The following CACNA1I variants were observed in gnomAD, a reference collection of about 807,000 sequenced individuals.
CACNA1I encodes calcium voltage-gated channel subunit alpha1 I, also known as voltage-dependent T-type calcium channel subunit alpha-1I.
Under a neutral mutation model 201.6 loss-of-function variants are expected in CACNA1I, and 74 were observed. The observed-to-expected ratio is 0.37, with a 90% CI of 0.30 to 0.45. The LOEUF (loss-of-function observed/expected upper bound fraction) is 0.45. CACNA1I is among the 20% of genes least tolerant of loss of function. CACNA1I has a pLI of 1.00. For missense variants in CACNA1I, 2,346 were observed against 3,138.1 expected, an observed-to-expected ratio of 0.75 and a Z score of 6.03; for synonymous variants, 1,431 against 1,345.2, an observed-to-expected ratio of 1.06 and a Z score of -1.40.
chr22:39,675,894 T>TC (rs34902889), intron 29 of CACNA1I, among the ~76,000 whole-genome samples: 2 of 151,742 alleles, frequency 1.3e-5, no homozygotes, highest in Non-Finnish European at 2.9e-5. Context: ...GGGAGGGGGG[T>TC]CCCTGGGGGC....
At chr22:39,672,846 A>C (rs1935410946) in intron 27 of CACNA1I, 103 bp from the exon 28 acceptor site, 1 of 1,317,886 alleles carries the variant, frequency 7.6e-7, no homozygotes, top group Non-Finnish European at 1.0e-6. Context: ...AATGGGCCAC[A>C]ATAGAAGGGT....
In CACNA1I at chr22:39,665,446, C is replaced by T. The variant is rs1935156774; in HGVS notation, c.3852-52C>T. On this transcript the variant is annotated intron_variant, in intron 21 of 36. Transcript: ENST00000402142. This position sits in a 1 kb window ranked among gnomAD's most constrained non-coding sequence, Gnocchi z 5.5. ...GTGACTCTGGGCTGAGTAGGGGCTGCCTCCTGGCCTGGCCAAGGGATTATG... is the reference window on the plus strand; with the variant it reads ...GTGACTCTGGGCTGAGTAGGGGCTGTCTCCTGGCCTGGCCAAGGGATTATG... The T allele has an allele frequency of 6.2e-7, 1 of 1,603,922 alleles. No homozygotes were observed.
At chr22:39,638,045 T>C (rs1336907151) in intron 5 of CACNA1I, among the ~76,000 whole-genome samples, 1 of 152,162 alleles carries the variant, frequency 6.6e-6, no homozygotes, top group Non-Finnish European at 1.5e-5. Flanking sequence ...GTGATTCTCC[T>C]GCCTCAGCCT....
At position 39,684,938 on chromosome 22, in the gene CACNA1I, C is replaced by T. The variant is rs1935813395; in HGVS notation, c.6027+440C>T. ...CTGGTGGATGAGAAGCCTCGGGCTG[C>T]AGGGTCCCCCGTACTGGATTGGCCA... On this transcript the variant is annotated intron_variant, in intron 36 of 36. Coordinates refer to ENST00000402142, the MANE Select transcript of CACNA1I (RefSeq NM_021096.4). This position sits in a 1 kb window ranked among gnomAD's most constrained non-coding sequence, Gnocchi z 4.6. 2 of 329,140 alleles carry T rather than the reference C, an allele frequency of 6.1e-6. No individual in the cohort carries two copies. Among genetic ancestry groups the T allele is most frequent in the Non-Finnish European group, 5.6e-6 (1 of 177,072 alleles). 20.4% of individuals were successfully genotyped at this position (329,140 alleles called of 1,614,324 possible). A position where few individuals can be genotyped will look rare whatever the true frequency, so the allele number is the denominator to read the frequency against.
rs1383054420 is a variant in CACNA1I at position 39,659,181 on chromosome 22, G to A, written c.2330+65G>A. 3.8e-6 allele frequency: 6 copies of A among 1,583,520 alleles called. No individual in the cohort carries two copies. Among genetic ancestry groups the A allele is most frequent in the Non-Finnish European group, 4.3e-6 (5 of 1,165,236 alleles). On this transcript the variant is annotated intron_variant, in intron 12 of 36. Transcript: ENST00000402142. This position sits in a 1 kb window ranked among gnomAD's most constrained non-coding sequence, Gnocchi z 4.3. ...TGGGGCTGTGGGCGGGAGCCTGGGG[G>A]ATGTGGTCCACTGTGCTTCTCTGGA...
At chr22:39,625,286 A>G (rs1444959478) in intron 4 of CACNA1I, among the ~76,000 whole-genome samples, 2 of 152,210 alleles carry the variant, frequency 1.3e-5, no homozygotes, top group East Asian at 3.8e-4. Flanking sequence ...TGATGGGCGC[A>G]GTCAAATGAC....
intron 4 of CACNA1I, among the ~76,000 whole-genome samples, chr22:39,631,002 G>C (rs760853446): frequency 2.6e-5 from 4 of 152,166 alleles, no homozygotes; most frequent in Admixed American, 2.6e-4. Flanking sequence ...GGCCAGACTC[G>C]GGAGGAGTCT....
chr22:39,656,164 G>T (rs1241896919), intron 10 of CACNA1I, among the ~76,000 whole-genome samples: 1 of 152,192 alleles, frequency 6.6e-6, no homozygotes, highest in East Asian at 1.9e-4. Context: ...GGGCTTGAGA[G>T]GAGCTGGCAG....
intron 1 of CACNA1I, among the ~76,000 whole-genome samples, chr22:39,583,094 A>G (rs1040131394): frequency 5.3e-5 from 8 of 149,698 alleles, no homozygotes; most frequent in Non-Finnish European, 7.4e-5. Flanking sequence ...CAATCCGTCC[A>G]TTCATCCATC....
intron 16 of CACNA1I, 149 bp downstream of exon 16, chr22:39,661,459 C>G: frequency 1.6e-6 from 1 of 617,894 alleles, no homozygotes; most frequent in Non-Finnish European, 2.7e-6. Context: ...TCCTGGGTGC[C>G]CAGTGCCAGA....
Position 39,677,249 on chromosome 22 carries a change from C to A in CACNA1I, c.4855-92C>A. On this transcript the variant is annotated intron_variant, in intron 29 of 36. Transcript: ENST00000402142. This position sits in a 1 kb window ranked among gnomAD's most constrained non-coding sequence, Gnocchi z 4.8. ...ACAGCTGCTCTGACCCACAGGCTGC[C>A]CAACCCCACTGCCCCAGCCTCCACC... 1.2e-6 allele frequency: 1 copy of A among 813,400 alleles called. No homozygotes were observed. The allele number at this position is 813,400 out of a possible 1,614,324, so 50.4% of individuals were successfully genotyped here. A position where few individuals can be genotyped will look rare whatever the true frequency, so the allele number is the denominator to read the frequency against.
chr22:39,610,591 G>T (rs952746178), intron 3 of CACNA1I, among the ~76,000 whole-genome samples: 1 of 152,186 alleles, frequency 6.6e-6, no homozygotes, highest in Non-Finnish European at 1.5e-5. Context: ...AATCGGGAAG[G>T]ACTATCTCTG....
chr22:39,590,541 G>C (rs1601799092), intron 1 of CACNA1I, among the ~76,000 whole-genome samples: 1 of 152,246 alleles, frequency 6.6e-6, no homozygotes, highest in South Asian at 2.1e-4. Context: ...GACGATGTGG[G>C]TGGGGAGGAA....
chr22:39,613,349 C>G (rs1281124479), intron 3 of CACNA1I, among the ~76,000 whole-genome samples: 1 of 152,192 alleles, frequency 6.6e-6, no homozygotes, highest in Non-Finnish European at 1.5e-5. Flanking sequence ...CAGAGGTGCC[C>G]TCATAGAGGA....
intron 1 of CACNA1I, among the ~76,000 whole-genome samples, chr22:39,593,904 G>T (rs139529582): frequency 2.0e-5 from 3 of 152,328 alleles, no homozygotes; most frequent in East Asian, 3.9e-4. Flanking sequence ...AAATGTTCAA[G>T]TTGTGTTGGG....
At chr22:39,630,019 TC>T (rs1176108221) in intron 4 of CACNA1I, among the ~76,000 whole-genome samples, 4 of 152,148 alleles carry the variant, frequency 2.6e-5, no homozygotes, top group Non-Finnish European at 4.4e-5. Flanking sequence ...CTGCTCAGCT[TC>T]CCCCCAGCCG....
rs114789410 is a variant in CACNA1I, at chr22:39,656,110, G to A, written c.1993-2042G>A. Among the ~76,000 whole-genome samples, 716 of 152,302 alleles carry A rather than the reference G, an allele frequency of 4.7e-3. 3 individuals are homozygous for A. Among genetic ancestry groups the A allele is most frequent in the African/African-American group, 0.015 (638 of 41,564 alleles). Reference sequence around the variant, plus strand: ...CTCCTCTTTTGGGACGACTTCTTGAGTCAGATGTAATTACAGATGGAAATG... The same window carrying A: ...CTCCTCTTTTGGGACGACTTCTTGAATCAGATGTAATTACAGATGGAAATG... On this transcript the variant is annotated intron_variant, in intron 10 of 36. Coordinates refer to ENST00000402142, the MANE Select transcript of CACNA1I (RefSeq NM_021096.4).
At position 39,629,532 on chromosome 22, in the gene CACNA1I, C is replaced by CAGCCAGGCAG. The variant is rs1555906963; in HGVS notation, c.581-5033_581-5032insAGCCAGGCAG. Among the ~76,000 whole-genome samples the CAGCCAGGCAG allele has an allele frequency of 4.6e-5, 7 of 150,976 alleles. No individual in the cohort carries two copies. Among genetic ancestry groups the CAGCCAGGCAG allele is most frequent in the Non-Finnish European group, 7.4e-5 (5 of 67,798 alleles). ...GTTTATCACAATGATGAATGTATGA[C>CAGCCAGGCAG]GGCCAGGCAGGGCCAGGCAGGACGG... On this transcript the variant is annotated intron_variant, in intron 4 of 36. Transcript: ENST00000402142. This position sits in a 1 kb window ranked among gnomAD's most constrained non-coding sequence, Gnocchi z 4.8.
chr22:39,672,138 G>A (rs555928735), intron 26 of CACNA1I, 61 bp from the exon 27 acceptor site: 5 of 1,010,566 alleles, frequency 4.9e-6, no homozygotes, highest in African/African-American at 4.8e-5. Flanking sequence ...CTTTCTGAGT[G>A]GAGGAAGGTT....
Sources: gnomAD v4.1 joint callset for allele counts (sites outside exome capture counted in the v4.1 genomes callset) on GRCh38, gnomAD v4.1.1 for gene constraint, Gnocchi (gnomAD v3.1) non-coding constraint, MANE v1.5 for transcripts, NCBI Gene and HGNC (gene_info 2026-07-23, HGNC 2026-07-21) for gene names.